Variants in EDN1 observed in about 807,000 individuals in gnomAD.
EDN1 encodes endothelin 1.
Under a neutral mutation model 21.7 loss-of-function variants are expected in EDN1, and 11 were observed. That is an observed-to-expected ratio of 0.51 (90% CI 0.32 to 0.84). EDN1 has a LOEUF of 0.84. EDN1 is among the 40% of genes least tolerant of loss of function. The pLI, the probability that EDN1 is intolerant of heterozygous loss-of-function variation, is 0.03. For synonymous variants in EDN1, 85 were observed against 90.6 expected, an observed-to-expected ratio of 0.94 and a Z score of 0.35; for missense variants, 244 against 262.3, an observed-to-expected ratio of 0.93 and a Z score of 0.48.
the EDN1 span, among the ~76,000 whole-genome samples, chr6:12,272,403 A>C: frequency 6.6e-6 from 1 of 151,480 alleles, no homozygotes; most frequent in Non-Finnish European, 1.5e-5. Context: ...TTCTTCTCAC[A>C]CTTACATACA....
chr6:12,265,777 C>G, the EDN1 span, among the ~76,000 whole-genome samples: 1 of 152,168 alleles, frequency 6.6e-6, no homozygotes, highest in Non-Finnish European at 1.5e-5. Context: ...ATGGTAGTAA[C>G]TCATTTTTTA....
In EDN1 at chr6:12,294,330, A is replaced by G. The variant is rs1214527060; in HGVS notation, c.459A>G (p.Lys153=). The stretch of plus-strand genomic sequence containing the variant: ...GAAAAGACTGTTCCAAGCTTGGGAA[A>G]AAGTGTATTTATCAGCAGTTAGTGA... ...KKGKDCSKLG[K]KCIYQQLVRG... is the part of the protein sequence containing the mutation. Residue 153 remains lysine (K), a synonymous_variant, in exon 4 of 5, where the codon AAA becomes AAG. Coordinates refer to ENST00000379375, the MANE Select transcript of EDN1 (RefSeq NM_001955.5). 2 of 1,614,220 alleles carry G rather than the reference A, an allele frequency of 1.2e-6. No individual in the cohort carries two copies. Among genetic ancestry groups the G allele is most frequent in the Non-Finnish European group, 1.7e-6 (2 of 1,180,040 alleles).
chr6:12,287,147 A>G (rs1581879797), upstream of EDN1, among the ~76,000 whole-genome samples: 1 of 141,556 alleles, frequency 7.1e-6, no homozygotes, highest in South Asian at 2.3e-4. Flanking sequence ...AAAAAAAAAA[A>G]GGCAAGAACA....
upstream of EDN1, among the ~76,000 whole-genome samples, chr6:12,287,290 G>C (rs1762571378): frequency 6.6e-6 from 1 of 151,964 alleles, no homozygotes; most frequent in South Asian, 2.1e-4. Flanking sequence ...GAGGGGTGGG[G>C]TGGGGCTATG....
At chr6:12,284,080 G>A in the EDN1 span, among the ~76,000 whole-genome samples, 1 of 152,100 alleles carries the variant, frequency 6.6e-6, no homozygotes, top group African/African-American at 2.4e-5. Context: ...ATTGACTTAT[G>A]AATATAAAAT....
At chr6:12,265,287 C>T in the EDN1 span, among the ~76,000 whole-genome samples, 1 of 152,190 alleles carries the variant, frequency 6.6e-6, no homozygotes, top group African/African-American at 2.4e-5. Flanking sequence ...AAGAATCTAC[C>T]TGCTATGGGC....
At chr6:12,271,331 C>T in the EDN1 span, among the ~76,000 whole-genome samples, 205 of 151,910 alleles carry the variant, frequency 1.3e-3, 1 homozygote, top group East Asian at 0.032. Flanking sequence ...CTTTCTCTTT[C>T]TCATTTGTGT....
chr6:12,232,364 T>C, the EDN1 span, among the ~76,000 whole-genome samples: 1 of 151,794 alleles, frequency 6.6e-6, no homozygotes, highest in Non-Finnish European at 1.5e-5. Context: ...ATTGGGTTTT[T>C]TTTTCACCAA....
In EDN1 at chr6:12,295,953, C is replaced by A. The variant is rs757627733; in HGVS notation, c.534-9C>A. On this transcript the variant is annotated splice_polypyrimidine_tract_variant and intron_variant, in intron 4 of 4. Coordinates refer to ENST00000379375, the MANE Select transcript of EDN1 (RefSeq NM_001955.5). ...ATAACATTTGTTTTCTCTTATCTTG[C>A]TTTATTAGGTCGGAGACCATGAGAA... The A allele has an allele frequency of 6.2e-7, 1 of 1,612,836 alleles. No homozygotes were observed. Among genetic ancestry groups the A allele is most frequent in the African/African-American group, 1.3e-5 (1 of 74,988 alleles).
chr6:12,251,119 T>C, the EDN1 span, among the ~76,000 whole-genome samples: 1 of 152,108 alleles, frequency 6.6e-6, no homozygotes, highest in Admixed American at 6.6e-5. Context: ...AAAGGATATA[T>C]CACAACACTC....
At chr6:12,268,540 C>T in the EDN1 span, among the ~76,000 whole-genome samples, 4 of 152,096 alleles carry the variant, frequency 2.6e-5, no homozygotes, top group Admixed American at 2.6e-4. Flanking sequence ...TGTGGATATC[C>T]AGTTTTCCTG....
chr6:12,258,352 G>A, the EDN1 span, among the ~76,000 whole-genome samples: 1 of 150,424 alleles, frequency 6.6e-6, no homozygotes, highest in Non-Finnish European at 1.5e-5. Context: ...AGGAGACTGA[G>A]CAGGGAGGAT....
the EDN1 span, among the ~76,000 whole-genome samples, chr6:12,236,233 T>C: frequency 1.3e-5 from 2 of 152,198 alleles, no homozygotes; most frequent in African/African-American, 4.8e-5. Context: ...AGAATAAATT[T>C]GAATGTACAT....
chr6:12,250,212 T>C, the EDN1 span, among the ~76,000 whole-genome samples: 1 of 151,978 alleles, frequency 6.6e-6, no homozygotes, highest in African/African-American at 2.4e-5. Flanking sequence ...CTGGAAAATA[T>C]ATGATGTCAT....
chr6:12,261,811 A>G, the EDN1 span, among the ~76,000 whole-genome samples: 5 of 152,208 alleles, frequency 3.3e-5, no homozygotes, highest in Non-Finnish European at 7.3e-5. Flanking sequence ...TTTCCAGAAG[A>G]CATATGGTTA....
the EDN1 span, among the ~76,000 whole-genome samples, chr6:12,276,827 T>C: frequency 1.3e-5 from 2 of 152,222 alleles, no homozygotes; most frequent in South Asian, 2.1e-4. Context: ...AGAGTTCAGA[T>C]TCATTTTGAT....
the EDN1 span, among the ~76,000 whole-genome samples, chr6:12,261,420 C>T: frequency 6.6e-6 from 1 of 152,130 alleles, no homozygotes; most frequent in South Asian, 2.1e-4. Flanking sequence ...CATGGGCAAC[C>T]CTATGTAGCA....
the EDN1 span, among the ~76,000 whole-genome samples, chr6:12,256,008 A>ACCACTGTAAC: frequency 2.0e-5 from 3 of 152,146 alleles, no homozygotes; most frequent in Non-Finnish European, 4.4e-5. Context: ...GTGCTTAGGA[A>ACCACTGTAAC]CCACTGTAAC....
the EDN1 span, among the ~76,000 whole-genome samples, chr6:12,255,842 TGA>T: frequency 6.6e-6 from 1 of 152,348 alleles, no homozygotes; most frequent in East Asian, 1.9e-4. Flanking sequence ...AAACAAATAT[TGA>T]GAGAGAGTGT....
Sources: gnomAD v4.1 joint callset for allele counts (sites outside exome capture counted in the v4.1 genomes callset) on GRCh38, gnomAD v4.1.1 for gene constraint, MANE v1.5 for transcripts, NCBI Gene and HGNC (gene_info 2026-07-23, HGNC 2026-07-21) for gene names.